Variants in GREB1L observed in about 807,000 individuals in gnomAD.
GREB1L encodes the protein GREB1-like protein.
GREB1L carries 17 observed loss-of-function variants against 200.8 expected under a neutral mutation model. The observed-to-expected ratio is 0.08, with a 90% confidence interval of 0.06 to 0.13. The LOEUF (loss-of-function observed/expected upper bound fraction) is 0.13, where lower values mean the gene tolerates loss of function less well. GREB1L is among the 10% of genes least tolerant of loss of function. The pLI, the probability that GREB1L is intolerant of heterozygous loss-of-function variation, is 1.00. For synonymous variants in GREB1L, 789 were observed against 893.0 expected, an observed-to-expected ratio of 0.88 and a Z score of 2.08; for missense variants, 1,657 against 2,367.7, an observed-to-expected ratio of 0.70 and a Z score of 6.23.
intron 13 of GREB1L, among the ~76,000 whole-genome samples, chr18:21,451,646 A>T (rs1446750027): frequency 1.3e-5 from 2 of 151,642 alleles, no homozygotes; most frequent in African/African-American, 2.4e-5. Flanking sequence ...GACATGTGCC[A>T]CCATGCCTGG....
intron 1 of GREB1L, among the ~76,000 whole-genome samples, chr18:21,306,552 T>C (rs1214231102): frequency 4.6e-5 from 7 of 152,230 alleles, no homozygotes; most frequent in African/African-American, 1.7e-4. Flanking sequence ...TCCTTGCAGA[T>C]AAGAGTCTGA....
intron 31 of GREB1L, 76 bp from the exon 32 acceptor site, chr18:21,520,612 C>A (rs553861577): frequency 1.4e-6 from 2 of 1,446,684 alleles, no homozygotes; most frequent in South Asian, 2.5e-5. Context: ...AAGGAAGGTA[C>A]TGAGTCATTC....
rs2037663505 is a variant in GREB1L at position 21,525,109 on chromosome 18, C to G, written c.*2288C>G. Reference sequence around the variant, plus strand: ...TGGATTCGCTAGGCCCACACAGTAACTCACCTGTAGACCTGCTGAACCTCA... The same window carrying G: ...TGGATTCGCTAGGCCCACACAGTAAGTCACCTGTAGACCTGCTGAACCTCA... On this transcript the variant is annotated 3_prime_UTR_variant, in exon 33 of 33. Transcript: ENST00000424526. 6.6e-6 allele frequency: 1 copy of G among 151,878 alleles called. No homozygotes were observed. The highest frequency in any genetic ancestry group is 2.4e-5 in the African/African-American group (1 of 41,396). The allele number at this position is 151,878 out of a possible 1,614,324, so 9.4% of individuals were successfully genotyped here.
intron 5 of GREB1L, among the ~76,000 whole-genome samples, chr18:21,396,341 G>A (rs1425141766): frequency 2.0e-5 from 3 of 152,022 alleles, no homozygotes; most frequent in African/African-American, 7.2e-5. Flanking sequence ...CACCACGCCC[G>A]GCCTTTTCAT....
In GREB1L at chr18:21,346,239, T is replaced by A. The variant is rs183694851; in HGVS notation, c.-119-19788T>A. On this transcript the variant is annotated intron_variant, in intron 1 of 32. Coordinates refer to ENST00000424526, the MANE Select transcript of GREB1L (RefSeq NM_001142966.3). ...AGGCTCATCCCACCCTCTGTAACCC[T>A]CCCATAACTGCACCCACACAGGCTA... 3.4e-3 allele frequency among the ~76,000 whole-genome samples: 512 copies of A among 151,972 alleles called. 2 individuals carry two copies. The highest frequency in any genetic ancestry group is 5.5e-3 in the Non-Finnish European group (372 of 67,962).
At chr18:21,306,137 G>A (rs1426927045) in intron 1 of GREB1L, among the ~76,000 whole-genome samples, 7 of 152,138 alleles carry the variant, frequency 4.6e-5, no homozygotes, top group Admixed American at 3.9e-4. Context: ...TGCACCATGA[G>A]GGTGGGGACC....
At chr18:21,465,391 A>G (rs1414628433) in intron 15 of GREB1L, among the ~76,000 whole-genome samples, 1 of 152,204 alleles carries the variant, frequency 6.6e-6, no homozygotes, top group Non-Finnish European at 1.5e-5. Context: ...GTTCAGTTCC[A>G]TAGATGTAAT....
At chr18:21,405,605 G>A (rs1250358292) in intron 7 of GREB1L, among the ~76,000 whole-genome samples, 1 of 151,996 alleles carries the variant, frequency 6.6e-6, no homozygotes, top group Non-Finnish European at 1.5e-5. Flanking sequence ...GTTCGAGACC[G>A]GCCTGGCCAA....
chr18:21,500,523 A>G lies in GREB1L; in HGVS notation c.3970-17A>G. 1 of 1,517,074 alleles carries G rather than the reference A, an allele frequency of 6.6e-7. No homozygotes were observed. Among genetic ancestry groups the G allele is most frequent in the Non-Finnish European group, 9.0e-7 (1 of 1,116,600 alleles). 94.0% of individuals were successfully genotyped at this position (1,517,074 alleles called of 1,614,324 possible). ...TTCCCGCCTCCACTCCTCCCCAATT[A>G]AAAATCTTTCCATTAGGTGGGAAAG... is the stretch of plus-strand genomic sequence containing the variant. On this transcript the variant is annotated splice_polypyrimidine_tract_variant and intron_variant, in intron 22 of 32. Coordinates refer to ENST00000424526, the MANE Select transcript of GREB1L (RefSeq NM_001142966.3).
chr18:21,482,378 C>T (rs1374974470), intron 17 of GREB1L, among the ~76,000 whole-genome samples: 1 of 152,240 alleles, frequency 6.6e-6, no homozygotes, highest in Admixed American at 6.5e-5. Flanking sequence ...CTGCATCAGC[C>T]TCCTGAGTAG....
chr18:21,357,201 C>T (rs1292341201), intron 1 of GREB1L, among the ~76,000 whole-genome samples: 2 of 152,152 alleles, frequency 1.3e-5, no homozygotes, highest in Non-Finnish European at 2.9e-5. Context: ...ACTACAGGTG[C>T]ATACCACGAC....
intron 1 of GREB1L, among the ~76,000 whole-genome samples, chr18:21,333,607 G>A (rs1430282645): frequency 2.0e-5 from 3 of 151,690 alleles, no homozygotes; most frequent in East Asian, 1.9e-4. Flanking sequence ...CCCAGGAGGT[G>A]GAGGTTGTGG....
intron 1 of GREB1L, among the ~76,000 whole-genome samples, chr18:21,315,929 ACT>A (rs1369067555): frequency 6.6e-6 from 1 of 151,770 alleles, no homozygotes; most frequent in Admixed American, 6.6e-5. Flanking sequence ...GTCCATCAAC[ACT>A]CTGTGACCCG....
intron 1 of GREB1L, among the ~76,000 whole-genome samples, chr18:21,259,367 A>T (rs2037854215): frequency 6.6e-6 from 1 of 152,186 alleles, no homozygotes; most frequent in Non-Finnish European, 1.5e-5. Flanking sequence ...GAATACACCA[A>T]TGGGCAGGAA....
At chr18:21,433,719 ATGT>A (rs2033327659) in intron 7 of GREB1L, among the ~76,000 whole-genome samples, 1 of 152,206 alleles carries the variant, frequency 6.6e-6, no homozygotes, top group Non-Finnish European at 1.5e-5. Context: ...ATCAGGAATC[ATGT>A]TGTGGGATGA....
intron 4 of GREB1L, 59 bp from the exon 5 acceptor site, chr18:21,395,326 A>G: frequency 7.9e-7 from 1 of 1,272,854 alleles, no homozygotes; most frequent in Non-Finnish European, 1.1e-6. Context: ...AATGAGTGAT[A>G]AGAAGATATA....
rs1482419195 is a variant in GREB1L at position 21,485,092 on chromosome 18, A to AG, written c.2557-523dup. Among the ~76,000 whole-genome samples, 14 of 152,294 alleles carry AG rather than the reference A, an allele frequency of 9.2e-5. No individual in the cohort carries two copies. The East Asian group carries it at 1.7e-3, about 19-fold the overall frequency. On this transcript the variant is annotated intron_variant, in intron 17 of 32. Coordinates refer to ENST00000424526, the MANE Select transcript of GREB1L (RefSeq NM_001142966.3). ...TCATAGTGATGACTGACTCATCAAG[A>AG]GGGGGCTACGTTAAATACTGTGGAT...
chr18:21,424,160 A>T (rs1375001371), intron 7 of GREB1L, among the ~76,000 whole-genome samples: 1 of 152,210 alleles, frequency 6.6e-6, no homozygotes, highest in Non-Finnish European at 1.5e-5. Flanking sequence ...TCCGCTTACT[A>T]CAATGTTTTT....
chr18:21,254,145 T>C (rs1036469186), intron 1 of GREB1L, among the ~76,000 whole-genome samples: 20 of 147,144 alleles, frequency 1.4e-4, no homozygotes, highest in Non-Finnish European at 2.7e-4. Flanking sequence ...TCTTGACTCA[T>C]TGCAGCTTCC....
Sources: allele counts gnomAD v4.1 joint callset (sites outside exome capture counted in the v4.1 genomes callset), GRCh38; gene constraint gnomAD v4.1.1; transcripts MANE v1.5; gene names NCBI Gene and HGNC (gene_info 2026-07-23, HGNC 2026-07-21).